Variants in CCDC73 observed in about 807,000 individuals in gnomAD.
CCDC73 encodes the protein coiled-coil domain containing 73, also known as coiled-coil domain-containing protein 73.
In CCDC73, 95 loss-of-function variants were observed where a neutral mutation model predicts 116.5. The ratio of observed to expected loss-of-function variants is 0.82; its 90% confidence interval spans 0.69 to 0.97. The LOEUF (loss-of-function observed/expected upper bound fraction) is 0.97. CCDC73 is among the 50% of genes least tolerant of loss of function. The pLI is 0.00. For synonymous variants in CCDC73, 398 were observed against 401.3 expected (o/e 0.99, Z 0.10); for missense variants, 1,066 against 1,206.8 (o/e 0.88, Z 1.73).
At chr11:32,780,094 T>C (rs10742287) in intron 1 of CCDC73, among the ~76,000 whole-genome samples, 87,257 of 151,626 alleles carry the variant, frequency 0.58, 25,423 homozygotes, top group East Asian at 0.84. Flanking sequence ...GTCAACATGG[T>C]GAAACCCCAT....
intron 12 of CCDC73, 131 bp downstream of exon 12, chr11:32,652,992 A>AT (rs1855839270): frequency 1.8e-6 from 1 of 547,668 alleles, no homozygotes; most frequent in African/African-American, 1.9e-5. Context: ...AAGGAAGTCA[A>AT]TATCTTACCC....
At chr11:32,653,091 G>C (rs1855840529) in intron 12 of CCDC73, 32 bp downstream of exon 12, 1 of 1,263,780 alleles carries the variant, frequency 7.9e-7, no homozygotes, top group African/African-American at 1.5e-5. Context: ...AACACAGATA[G>C]ATAGACAGAC....
intron 1 of CCDC73, among the ~76,000 whole-genome samples, chr11:32,793,662 G>T (rs10835973): frequency 0.55 from 83,941 of 151,736 alleles, 23,770 homozygotes; most frequent in East Asian, 0.84. Flanking sequence ...CCAGGCTGGA[G>T]TGCAGTGGAG....
intron 1 of CCDC73, among the ~76,000 whole-genome samples, chr11:32,783,912 A>G (rs1255094657): frequency 6.6e-6 from 1 of 152,240 alleles, no homozygotes; most frequent in African/African-American, 2.4e-5. Flanking sequence ...AAGTGGTTTA[A>G]TAGGCTCTGG....
intron 3 of CCDC73, among the ~76,000 whole-genome samples, chr11:32,712,000 G>A (rs978863435): frequency 6.6e-6 from 1 of 152,144 alleles, no homozygotes; most frequent in Non-Finnish European, 1.5e-5. Context: ...TTCTACTAAT[G>A]TGGTTTAAGG....
intron 2 of CCDC73, among the ~76,000 whole-genome samples, chr11:32,753,579 C>T (rs573720073): frequency 6.6e-6 from 1 of 152,134 alleles, no homozygotes; most frequent in Non-Finnish European, 1.5e-5. Context: ...ATTCTTCTGC[C>T]TCAGCCTCCC....
chr11:32,699,155 T>C, intron 6 of CCDC73, 96 bp downstream of exon 6: 1 of 1,296,352 alleles, frequency 7.7e-7, no homozygotes, highest in Non-Finnish European at 1.0e-6. Flanking sequence ...TAAACTTTTG[T>C]CAGCTTTGCT....
chr11:32,605,485 G>C (rs1855337640), intron 17 of CCDC73: 1 of 152,110 alleles, frequency 6.6e-6, no homozygotes, highest in Non-Finnish European at 1.5e-5. Flanking sequence ...AACTAGTAAT[G>C]GATAAAAACC....
intron 2 of CCDC73, among the ~76,000 whole-genome samples, chr11:32,732,102 C>A (rs1245651520): frequency 1.3e-5 from 2 of 152,132 alleles, no homozygotes; most frequent in Non-Finnish European, 2.9e-5. Context: ...AACCATGGCA[C>A]AAGAACTATG....
At chr11:32,799,846 TA>T in the CCDC73 span, among the ~76,000 whole-genome samples, 1 of 152,206 alleles carries the variant, frequency 6.6e-6, no homozygotes, top group African/African-American at 2.4e-5. Context: ...AATGCTATAG[TA>T]AAAACAAGTG....
intron 2 of CCDC73, among the ~76,000 whole-genome samples, chr11:32,735,767 T>A (rs1240524340): frequency 6.7e-4 from 102 of 152,148 alleles, no homozygotes; most frequent in African/African-American, 2.0e-3. Flanking sequence ...CTATACTACA[T>A]GGCTACAGGA....
At chr11:32,701,495 G>A (rs373394206) in intron 4 of CCDC73, among the ~76,000 whole-genome samples, 7 of 151,998 alleles carry the variant, frequency 4.6e-5, no homozygotes, top group East Asian at 3.9e-4. Flanking sequence ...GAGCCCAAGA[G>A]TTTGAGACCA....
At chr11:32,688,715 A>G (rs1715940505) in intron 6 of CCDC73, among the ~76,000 whole-genome samples, 2 of 152,230 alleles carry the variant, frequency 1.3e-5, no homozygotes, top group African/African-American at 4.8e-5. Flanking sequence ...TGTAGTTCCA[A>G]TATCTCTAAA....
At chr11:32,663,473 GCTCT>G (rs1246355105) in intron 9 of CCDC73, among the ~76,000 whole-genome samples, 1 of 152,018 alleles carries the variant, frequency 6.6e-6, no homozygotes, top group Non-Finnish European at 1.5e-5. Context: ...TCATGATTTG[GCTCT>G]CTGTTTGTTA....
chr11:32,736,494 C>T (rs186603850), intron 2 of CCDC73, among the ~76,000 whole-genome samples: 2 of 152,232 alleles, frequency 1.3e-5, no homozygotes, highest in Admixed American at 1.3e-4. Flanking sequence ...CGGCGATCAT[C>T]AAAATGTCAG....
intron 2 of CCDC73, among the ~76,000 whole-genome samples, chr11:32,723,594 T>C (rs1029438634): frequency 1.3e-5 from 2 of 152,158 alleles, no homozygotes; most frequent in African/African-American, 4.8e-5. Flanking sequence ...GGGTCAAGAA[T>C]TGAAGAGGCC....
chr11:32,662,384 G>C (rs1341375391), intron 9 of CCDC73, among the ~76,000 whole-genome samples: 1 of 152,182 alleles, frequency 6.6e-6, no homozygotes, highest in East Asian at 1.9e-4. Flanking sequence ...ATTCTAACTG[G>C]TGTGAGATGG....
intron 7 of CCDC73, among the ~76,000 whole-genome samples, chr11:32,678,767 C>T (rs11031933): frequency 0.26 from 39,341 of 151,398 alleles, 5,587 homozygotes; most frequent in South Asian, 0.35. Flanking sequence ...CCTGTAATCT[C>T]GGCTACTGGG....
At chr11:32,665,720 T>C (rs1855974769) in intron 9 of CCDC73, among the ~76,000 whole-genome samples, 1 of 152,184 alleles carries the variant, frequency 6.6e-6, no homozygotes, top group South Asian at 2.1e-4. Flanking sequence ...GATGGTTATT[T>C]TCCTTGTTAG....
Sources: gnomAD v4.1 joint callset for allele counts (sites outside exome capture counted in the v4.1 genomes callset) on GRCh38, gnomAD v4.1.1 for gene constraint, MANE v1.5 for transcripts, NCBI Gene and HGNC (gene_info 2026-07-23, HGNC 2026-07-21) for gene names.